SPAG16: variants seen among roughly 807,000 people sequenced by gnomAD.
The protein encoded by SPAG16 is sperm-associated antigen 16 protein.
In SPAG16, 86 loss-of-function variants were observed where a neutral mutation model predicts 80.4. The ratio of observed to expected loss-of-function variants is 1.07; its 90% CI spans 0.90 to 1.28. The LOEUF is 1.28. Ranked by LOEUF, SPAG16 falls within the 50% of genes most tolerant of loss-of-function variation. The pLI, the probability that SPAG16 is intolerant of heterozygous loss-of-function variation, is 0.00. For synonymous variants in SPAG16, 294 were observed against 265.9 expected (o/e 1.11, Z -1.03); for missense variants, 870 against 765.3 (o/e 1.14, Z -1.61).
intron 13 of SPAG16, among the ~76,000 whole-genome samples, chr2:214,075,347 T>A (rs978577379): frequency 3.9e-5 from 6 of 152,092 alleles, no homozygotes; most frequent in Non-Finnish European, 5.9e-5. Context: ...ACATTAATTA[T>A]GTACAATAGT....
intron 15 of SPAG16, among the ~76,000 whole-genome samples, chr2:214,355,410 A>C (rs993983536): frequency 4.1e-5 from 6 of 144,898 alleles, no homozygotes; most frequent in Non-Finnish European, 9.2e-5. Context: ...CAGCCAAAAA[A>C]CACATGAAAA....
At chr2:213,997,473 A>T (rs554397461) in intron 12 of SPAG16, among the ~76,000 whole-genome samples, 3 of 152,218 alleles carry the variant, frequency 2.0e-5, no homozygotes, top group Admixed American at 6.5e-5. Flanking sequence ...CTGACATATC[A>T]TGGCAGCAAA....
chr2:213,899,654 C>T (rs1485661441), intron 11 of SPAG16, among the ~76,000 whole-genome samples: 2 of 151,946 alleles, frequency 1.3e-5, no homozygotes, highest in Non-Finnish European at 2.9e-5. Flanking sequence ...TGGAAAACAA[C>T]CACGTTTATA....
At chr2:213,819,692 C>T (rs769527259) in intron 10 of SPAG16, among the ~76,000 whole-genome samples, 4 of 151,860 alleles carry the variant, frequency 2.6e-5, no homozygotes, top group Non-Finnish European at 5.9e-5. Context: ...CATAGGCGTG[C>T]ACCACCACAC....
chr2:214,077,493 T>C (rs758194012), intron 13 of SPAG16, among the ~76,000 whole-genome samples: 2 of 152,224 alleles, frequency 1.3e-5, no homozygotes, highest in Non-Finnish European at 2.9e-5. Context: ...CAGATACATA[T>C]CTTAAGGCTT....
At chr2:213,391,982 T>G (rs1292709891) in intron 9 of SPAG16, among the ~76,000 whole-genome samples, 1 of 152,240 alleles carries the variant, frequency 6.6e-6, no homozygotes, top group Non-Finnish European at 1.5e-5. Context: ...TCATAAAACC[T>G]GTACACAACT....
intron 10 of SPAG16, among the ~76,000 whole-genome samples, chr2:213,548,461 T>A (rs539319587): frequency 6.6e-6 from 1 of 152,338 alleles, no homozygotes; most frequent in South Asian, 2.1e-4. Flanking sequence ...TCTGCCCGCC[T>A]CGGCCTTCCA....
At chr2:213,889,227 T>G (rs2076682544) in intron 11 of SPAG16, among the ~76,000 whole-genome samples, 1 of 151,940 alleles carries the variant, frequency 6.6e-6, no homozygotes, top group African/African-American at 2.4e-5. Context: ...ATTTTAACTT[T>G]AGATAGAAAG....
intron 10 of SPAG16, among the ~76,000 whole-genome samples, chr2:213,744,450 A>G (rs2067722535): frequency 6.6e-6 from 1 of 152,202 alleles, no homozygotes; most frequent in Admixed American, 6.5e-5. Flanking sequence ...TTATCTAAGA[A>G]TAAGGAATTC....
At chr2:214,123,423 A>G (rs571037734) in intron 14 of SPAG16, among the ~76,000 whole-genome samples, 2 of 152,140 alleles carry the variant, frequency 1.3e-5, no homozygotes, top group South Asian at 2.1e-4. Context: ...TTTGTTTTCT[A>G]TATATGTATC....
intron 15 of SPAG16, among the ~76,000 whole-genome samples, chr2:214,207,024 A>G (rs1649668985): frequency 6.6e-6 from 1 of 152,172 alleles, no homozygotes; most frequent in Non-Finnish European, 1.5e-5. Flanking sequence ...TCCTAATATA[A>G]TAGAAAATCA....
rs3076792 is a variant in SPAG16, at chr2:213,932,949, AACACACACAC to A, written c.1400+2837_1400+2846del. ...GTATTTCACTTAATGGTTGTTTGAA[AACACACACAC>A]ACACACACACACACACACACACACA... On this transcript the variant is annotated intron_variant, in intron 12 of 15. Coordinates refer to ENST00000331683, the MANE Select transcript of SPAG16 (RefSeq NM_024532.5). Among the ~76,000 whole-genome samples the A allele has an allele frequency of 1.6e-3, 224 of 144,028 alleles. 1 individual carries two copies. In the Middle Eastern group the frequency reaches 0.021, roughly 13 times the overall value. 94.5% of individuals were successfully genotyped at this position (144,028 alleles called of 152,430 possible). A position where few individuals can be genotyped will look rare whatever the true frequency, so the allele number is the denominator to read the frequency against.
At chr2:213,828,713 T>G (rs2073446374) in intron 10 of SPAG16, among the ~76,000 whole-genome samples, 1 of 152,302 alleles carries the variant, frequency 6.6e-6, no homozygotes, top group Non-Finnish European at 1.5e-5. Flanking sequence ...TTGGTCCAAG[T>G]TTTTGGTCAC....
At chr2:213,748,448 T>G (rs569771405) in intron 10 of SPAG16, among the ~76,000 whole-genome samples, 6 of 152,174 alleles carry the variant, frequency 3.9e-5, no homozygotes, top group South Asian at 2.1e-4. Flanking sequence ...CTATATTTTC[T>G]CTTTTTATTA....
chr2:213,510,109 T>C (rs2075163074), intron 10 of SPAG16, among the ~76,000 whole-genome samples: 1 of 152,138 alleles, frequency 6.6e-6, no homozygotes. Flanking sequence ...GGATAAATGA[T>C]TTTTACTAGG....
intron 10 of SPAG16, among the ~76,000 whole-genome samples, chr2:213,733,334 T>C (rs1298700136): frequency 6.6e-6 from 1 of 152,072 alleles, no homozygotes; most frequent in Non-Finnish European, 1.5e-5. Flanking sequence ...TTTTTTGTTG[T>C]GACAGGAATG....
chr2:213,832,443 C>T (rs1352810648), intron 10 of SPAG16, among the ~76,000 whole-genome samples: 2 of 152,114 alleles, frequency 1.3e-5, no homozygotes, highest in East Asian at 3.9e-4. Context: ...ATCCCTCTTT[C>T]TCCCCTGAAG....
chr2:214,133,804 T>C (rs970285456), intron 14 of SPAG16, among the ~76,000 whole-genome samples: 1 of 152,050 alleles, frequency 6.6e-6, no homozygotes, highest in African/African-American at 2.4e-5. Context: ...TGAATAGAAT[T>C]GGAAAGGAAA....
chr2:214,210,710 A>G (rs911704583), intron 15 of SPAG16, among the ~76,000 whole-genome samples: 1 of 152,166 alleles, frequency 6.6e-6, no homozygotes, highest in Non-Finnish European at 1.5e-5. Flanking sequence ...GAACCAGTAA[A>G]TATCAAAGGC....
Sources: gnomAD v4.1 joint callset for allele counts (sites outside exome capture counted in the v4.1 genomes callset) on GRCh38, gnomAD v4.1.1 for gene constraint, MANE v1.5 for transcripts, NCBI Gene and HGNC (gene_info 2026-07-23, HGNC 2026-07-21) for gene names.